The following TGFB2 variants were observed in gnomAD, a reference collection of about 807,000 sequenced individuals.
TGFB2 encodes the protein transforming growth factor beta-2 proprotein.
Under a neutral mutation model 42.7 loss-of-function variants are expected in TGFB2, and 13 were observed. That is an observed-to-expected ratio of 0.30 (90% confidence interval 0.20 to 0.48). The LOEUF (loss-of-function observed/expected upper bound fraction) is 0.48. Among genes scored for constraint, TGFB2 ranks in the 20% least tolerant of loss-of-function variants. The pLI is 0.99. For missense variants in TGFB2, 390 were observed against 517.5 expected (o/e 0.75, Z 2.39); for synonymous variants, 193 against 193.6 (o/e 1.00, Z 0.03).
intron 2 of TGFB2, among the ~76,000 whole-genome samples, chr1:218,416,877 C>T (rs186484336): frequency 2.0e-4 from 30 of 152,272 alleles, no homozygotes; most frequent in Admixed American, 2.0e-3. Flanking sequence ...AGGTGGTCCC[C>T]CGCACAAGCT....
At chr1:218,404,745 GA>G (rs1041316530) in intron 1 of TGFB2, among the ~76,000 whole-genome samples, 2 of 152,066 alleles carry the variant, frequency 1.3e-5, no homozygotes, top group African/African-American at 2.4e-5. Flanking sequence ...AACTTTCAAG[GA>G]AAAAAAATAC....
intron 5 of TGFB2, among the ~76,000 whole-genome samples, chr1:218,437,125 A>G (rs962844434): frequency 3.9e-5 from 6 of 152,150 alleles, no homozygotes; most frequent in African/African-American, 1.4e-4. Context: ...CATAAGGGCA[A>G]GTAGTCCAGC....
intron 2 of TGFB2, among the ~76,000 whole-genome samples, chr1:218,409,701 T>C (rs1659034839): frequency 6.6e-6 from 1 of 152,172 alleles, no homozygotes; most frequent in African/African-American, 2.4e-5. Flanking sequence ...AATGGGCAGA[T>C]CTTCAGCTAT....
chr1:218,439,443 T>C (rs1301582489), intron 6 of TGFB2, among the ~76,000 whole-genome samples: 2 of 152,192 alleles, frequency 1.3e-5, no homozygotes, highest in African/African-American at 2.4e-5. Flanking sequence ...TATCAATTAT[T>C]TTAGACAATC....
At chr1:218,361,680 T>C (rs1657216110) in intron 1 of TGFB2, among the ~76,000 whole-genome samples, 1 of 152,240 alleles carries the variant, frequency 6.6e-6, no homozygotes, top group South Asian at 2.1e-4. Context: ...TAAGATAACT[T>C]TCAGCATCTC....
At chr1:218,350,679 A>G (rs1437734739) in intron 1 of TGFB2, among the ~76,000 whole-genome samples, 1 of 152,268 alleles carries the variant, frequency 6.6e-6, no homozygotes, top group Non-Finnish European at 1.5e-5. Context: ...CATTGTATAC[A>G]GTATGTACTT....
chr1:218,365,335 T>C (rs1657352284), intron 1 of TGFB2, among the ~76,000 whole-genome samples: 1 of 152,182 alleles, frequency 6.6e-6, no homozygotes, highest in Non-Finnish European at 1.5e-5. Context: ...TTTCCTCCCA[T>C]AGTAAACAAA....
intron 1 of TGFB2, among the ~76,000 whole-genome samples, chr1:218,388,479 C>T (rs1263035054): frequency 1.3e-5 from 2 of 152,188 alleles, no homozygotes; most frequent in Non-Finnish European, 2.9e-5. Flanking sequence ...GGACCCGTGG[C>T]CCCCTCGCCC....
intron 2 of TGFB2, among the ~76,000 whole-genome samples, chr1:218,422,656 G>C (rs1447357783): frequency 6.6e-6 from 1 of 152,088 alleles, no homozygotes; most frequent in African/African-American, 2.4e-5. Context: ...TCATCTACCT[G>C]GCAAGGATAG....
At chr1:218,407,221 C>T (rs1288072177) in intron 2 of TGFB2, among the ~76,000 whole-genome samples, 1 of 152,108 alleles carries the variant, frequency 6.6e-6, no homozygotes, top group African/African-American at 2.4e-5. Flanking sequence ...GTGTGCATCC[C>T]CACGCCTAAC....
intron 1 of TGFB2, among the ~76,000 whole-genome samples, chr1:218,368,039 G>A (rs185469808): frequency 1.3e-5 from 2 of 152,234 alleles, no homozygotes; most frequent in East Asian, 3.9e-4. Flanking sequence ...TTGACCTCGT[G>A]ATCCGCCTGC....
rs116744757 is a variant in TGFB2 at position 218,355,582 on chromosome 1, G to A, written c.346+8535G>A. ...TTCAGATCTTGGCTCTGCCACTGTC[G>A]GCTTTGCAGCTGGATTTGAAACCCC... is the stretch of plus-strand genomic sequence containing the variant. On this transcript the variant is annotated intron_variant, in intron 1 of 6. Coordinates refer to ENST00000366930, the MANE Select transcript of TGFB2 (RefSeq NM_003238.6). Among the ~76,000 whole-genome samples, 496 of 152,220 alleles carry A rather than the reference G, an allele frequency of 3.3e-3. 2 individuals carry two copies. Among genetic ancestry groups the A allele is most frequent in the African/African-American group, 0.011 (458 of 41,540 alleles).
intron 1 of TGFB2, among the ~76,000 whole-genome samples, chr1:218,369,139 C>T (rs1657486423): frequency 6.6e-6 from 1 of 151,632 alleles, no homozygotes; most frequent in Non-Finnish European, 1.5e-5. Context: ...TCTGTAGTCC[C>T]AGCTACTCAG....
rs1163480276 is a variant in TGFB2 at position 218,443,447 on chromosome 1, T to A, written c.*2085T>A. The A allele has an allele frequency of 3.9e-5, 6 of 152,180 alleles. No homozygotes were observed. Among genetic ancestry groups the A allele is most frequent in the African/African-American group, 1.4e-4 (6 of 41,448 alleles). 9.4% of individuals were successfully genotyped at this position (152,180 alleles called of 1,614,324 possible). A position where few individuals can be genotyped will look rare whatever the true frequency, so the allele number is the denominator to read the frequency against. On this transcript the variant is annotated 3_prime_UTR_variant, in exon 7 of 7. Coordinates refer to ENST00000366930, the MANE Select transcript of TGFB2 (RefSeq NM_003238.6). ...CTGACCATTAATTAAAGAATTGGAT[T>A]TGCAAGTTTGAAAACTGGAAAAGCA... is the stretch of plus-strand genomic sequence containing the variant.
intron 2 of TGFB2, among the ~76,000 whole-genome samples, chr1:218,431,752 C>G (rs375527151): frequency 1.3e-5 from 2 of 152,194 alleles, no homozygotes; most frequent in African/African-American, 4.8e-5. Flanking sequence ...AGTTTTTAGT[C>G]AATGAGGCAG....
intron 2 of TGFB2, among the ~76,000 whole-genome samples, chr1:218,432,614 T>C (rs9308385): frequency 0.2 from 31,106 of 152,238 alleles, 3,969 homozygotes; most frequent in East Asian, 0.55. Context: ...GATGCATTTT[T>C]GTTTTACAAG....
intron 1 of TGFB2, among the ~76,000 whole-genome samples, chr1:218,360,442 G>A (rs1000503333): frequency 6.6e-6 from 1 of 152,146 alleles, no homozygotes; most frequent in Non-Finnish European, 1.5e-5. Context: ...GTGAGTGCCT[G>A]CGTTCTTCTA....
At position 218,388,960 on chromosome 1, in the gene TGFB2, C is replaced by T. The variant is rs913110836; in HGVS notation, c.347-16209C>T. Among the ~76,000 whole-genome samples, 26 of 152,100 alleles carry T rather than the reference C, an allele frequency of 1.7e-4. 1 individual carries two copies. Among genetic ancestry groups the T allele is most frequent in the African/African-American group, 6.0e-4 (25 of 41,406 alleles). The stretch of plus-strand genomic sequence containing the variant: ...TTTAGAAGGCACTCTATACAGGGTT[C>T]GTTATTCCACTGGCTGCTTGATATC... On this transcript the variant is annotated intron_variant, in intron 1 of 6. Coordinates refer to ENST00000366930, the MANE Select transcript of TGFB2 (RefSeq NM_003238.6).
intron 1 of TGFB2, among the ~76,000 whole-genome samples, chr1:218,367,547 A>G (rs1289995899): frequency 3.9e-5 from 6 of 152,198 alleles, no homozygotes; most frequent in Non-Finnish European, 7.3e-5. Flanking sequence ...TGGATATTCT[A>G]TAACTACCGT....
Sources: gnomAD v4.1 joint callset for allele counts (sites outside exome capture counted in the v4.1 genomes callset) on GRCh38, gnomAD v4.1.1 for gene constraint, MANE v1.5 for transcripts, NCBI Gene and HGNC (gene_info 2026-07-23, HGNC 2026-07-21) for gene names.